PHB1: variants seen among roughly 807,000 people sequenced by gnomAD.
PHB1 encodes prohibitin 1.
the PHB1 span, chr17:49,406,697 G>T: frequency 8.6e-7 from 1 of 1,167,868 alleles, no homozygotes; most frequent in Non-Finnish European, 1.3e-6. Context: ...CCCAGCAAAT[G>T]GGGAAGCTGA....
the PHB1 span, chr17:49,411,860 C>T: frequency 6.2e-7 from 1 of 1,608,608 alleles, no homozygotes. Flanking sequence ...AGGACAATGA[C>T]ATGTCATAAA....
At chr17:49,412,051 T>G in the PHB1 span, 2 of 529,580 alleles carry the variant, frequency 3.8e-6, no homozygotes, top group East Asian at 6.0e-5. Flanking sequence ...GGATTGGTAA[T>G]AGGACCTGTT....
chr17:49,411,834 C>T, the PHB1 span: 3 of 1,613,476 alleles, frequency 1.9e-6, no homozygotes, highest in Non-Finnish European at 2.5e-6. Context: ...CTGTGCCCAG[C>T]ATCCACTAGG....
chr17:49,413,362 A>C, the PHB1 span: 1 of 805,644 alleles, frequency 1.2e-6, no homozygotes, highest in Admixed American at 2.0e-5. Flanking sequence ...TCTGACACAC[A>C]ACAGTCACTT....
the PHB1 span, chr17:49,412,270 C>T: frequency 9.0e-5 from 15 of 167,266 alleles, no homozygotes; most frequent in African/African-American, 2.4e-4. Flanking sequence ...TCCTACATTT[C>T]GAAGAGCCTA....
the PHB1 span, chr17:49,404,909 G>T: frequency 1.1e-6 from 1 of 880,198 alleles, no homozygotes; most frequent in Non-Finnish European, 1.8e-6. Context: ...TGATTTCTGG[G>T]GTGGGAGCAG....
At chr17:49,412,323 G>A in the PHB1 span, 1 of 159,842 alleles carries the variant, frequency 6.3e-6, no homozygotes, top group Non-Finnish European at 1.4e-5. Flanking sequence ...GTTTTAAGGG[G>A]TTATAGAGCT....
chr17:49,407,850 T>C, the PHB1 span, among the ~76,000 whole-genome samples: 2 of 152,202 alleles, frequency 1.3e-5, no homozygotes, highest in South Asian at 2.1e-4. Context: ...TCTAGTTTCT[T>C]AGTCAAAGTT....
the PHB1 span, chr17:49,405,270 G>A: frequency 3.6e-6 from 5 of 1,406,906 alleles, no homozygotes; most frequent in Non-Finnish European, 5.0e-6. Context: ...TACAACCAAA[G>A]GCCCTTCACC....
the PHB1 span, chr17:49,405,088 C>T: frequency 8.1e-6 from 13 of 1,611,324 alleles, no homozygotes; most frequent in Non-Finnish European, 1.1e-5. Context: ...CTGCAGCTTC[C>T]AGCTTGCGCA....
chr17:49,406,985 A>G, the PHB1 span: 1 of 686,430 alleles, frequency 1.5e-6, no homozygotes, highest in Non-Finnish European at 2.6e-6. Context: ...TGAGGCCAGA[A>G]CACTCTTCCA....
At chr17:49,414,574 C>T in the PHB1 span, among the ~76,000 whole-genome samples, 1 of 152,138 alleles carries the variant, frequency 6.6e-6, no homozygotes, top group Non-Finnish European at 1.5e-5. Flanking sequence ...TCGTCCAGTG[C>T]ATTTAAATCT....
At chr17:49,409,528 A>C in the PHB1 span, 1 of 1,410,304 alleles carries the variant, frequency 7.1e-7, no homozygotes, top group Non-Finnish European at 9.7e-7. Context: ...GTAGGAAAAC[A>C]AGTGTTTTTT....
chr17:49,409,573 C>G, the PHB1 span: 17 of 956,030 alleles, frequency 1.8e-5, no homozygotes, highest in African/African-American at 2.9e-4. Flanking sequence ...CAGGTTTTTG[C>G]TCTTGTTGCC....
At chr17:49,405,425 T>C in the PHB1 span, among the ~76,000 whole-genome samples, 1 of 152,208 alleles carries the variant, frequency 6.6e-6, no homozygotes, top group East Asian at 1.9e-4. Context: ...ACGGGAGGGA[T>C]ACATCTCTGT....
At chr17:49,410,612 G>C in the PHB1 span, among the ~76,000 whole-genome samples, 1 of 152,182 alleles carries the variant, frequency 6.6e-6, no homozygotes, top group African/African-American at 2.4e-5. Flanking sequence ...GGTGATTGTG[G>C]CCAAGTCAGG....
the PHB1 span, chr17:49,411,689 GT>G: frequency 6.2e-7 from 1 of 1,614,046 alleles, no homozygotes; most frequent in Non-Finnish European, 8.5e-7. Flanking sequence ...TTTGCTACCA[GT>G]GATGACTGGC....
At chr17:49,406,652 G>C in the PHB1 span, 1 of 811,412 alleles carries the variant, frequency 1.2e-6, no homozygotes, top group East Asian at 2.5e-5. Flanking sequence ...GATTATCCCG[G>C]AAGAAGGGAT....
At chr17:49,408,284 G>A in the PHB1 span, among the ~76,000 whole-genome samples, 7 of 152,176 alleles carry the variant, frequency 4.6e-5, no homozygotes, top group Admixed American at 3.3e-4. Flanking sequence ...ACAGATGCCG[G>A]GGGAGGCAGT....
Sources: allele counts gnomAD v4.1 joint callset (sites outside exome capture counted in the v4.1 genomes callset), GRCh38; gene constraint gnomAD v4.1.1; transcripts MANE v1.5; gene names NCBI Gene and HGNC (gene_info 2026-07-23, HGNC 2026-07-21).